Variants in OXR1 observed in about 807,000 individuals in gnomAD.
The protein encoded by OXR1 is oxidation resistance 1.
Under a neutral mutation model 104.6 loss-of-function variants are expected in OXR1, and 41 were observed. The observed-to-expected ratio is 0.39, with a 90% CI of 0.31 to 0.51. The LOEUF is 0.51. OXR1 is among the 20% of genes least tolerant of loss of function. OXR1 has a pLI of 0.77. For synonymous variants in OXR1, 348 were observed against 348.4 expected (o/e 1.00, Z 0.01); for missense variants, 955 against 1,031.9 (o/e 0.93, Z 1.02).
At chr8:106,710,212 T>C (rs1039413322) in intron 9 of OXR1, among the ~76,000 whole-genome samples, 12 of 152,112 alleles carry the variant, frequency 7.9e-5, no homozygotes, top group Admixed American at 2.0e-4. Flanking sequence ...GAAACAACCA[T>C]GTTAAGTATA....
chr8:106,490,863 G>A (rs575859210), intron 2 of OXR1, among the ~76,000 whole-genome samples: 1 of 152,130 alleles, frequency 6.6e-6, no homozygotes, highest in Admixed American at 6.5e-5. Flanking sequence ...TGTGTGGAGG[G>A]GGGAGCTGTA....
chr8:106,285,779 A>G (rs909826737), intron 1 of OXR1, among the ~76,000 whole-genome samples: 1 of 151,454 alleles, frequency 6.6e-6, no homozygotes, highest in Non-Finnish European at 1.5e-5. Context: ...ATCTTTATAC[A>G]CGACGTCAAC....
intron 3 of OXR1, among the ~76,000 whole-genome samples, chr8:106,543,902 T>C (rs1374731720): frequency 6.6e-6 from 1 of 152,204 alleles, no homozygotes; most frequent in African/African-American, 2.4e-5. Flanking sequence ...CCTTTCCAAA[T>C]CTTTTATGAA....
chr8:106,439,612 C>CAT (rs1422645206), intron 2 of OXR1, among the ~76,000 whole-genome samples: 3 of 152,008 alleles, frequency 2.0e-5, no homozygotes, highest in Non-Finnish European at 2.9e-5. Flanking sequence ...TAGCTAAAGG[C>CAT]ATGTGCTGGC....
chr8:106,621,426 G>C (rs765502050), intron 3 of OXR1, among the ~76,000 whole-genome samples: 1 of 151,562 alleles, frequency 6.6e-6, no homozygotes, highest in Non-Finnish European at 1.5e-5. Context: ...ACTCCAGCCT[G>C]GGCAACAGAG....
intron 3 of OXR1, among the ~76,000 whole-genome samples, chr8:106,596,133 A>T (rs1275987489): frequency 6.6e-6 from 1 of 152,130 alleles, no homozygotes; most frequent in East Asian, 1.9e-4. Flanking sequence ...CTAGGCACAC[A>T]AGATCAACAG....
chr8:106,396,110 CATAA>C (rs1281360038), intron 2 of OXR1, among the ~76,000 whole-genome samples: 2 of 151,902 alleles, frequency 1.3e-5, no homozygotes, highest in African/African-American at 2.4e-5. Context: ...TACATAAATA[CATAA>C]ATAAATAGAG....
intron 3 of OXR1, among the ~76,000 whole-genome samples, chr8:106,667,182 C>G (rs1326773631): frequency 6.6e-6 from 1 of 152,124 alleles, no homozygotes; most frequent in Non-Finnish European, 1.5e-5. Flanking sequence ...ATGCCAAGAT[C>G]TGATTATAAT....
chr8:106,460,968 A>G (rs184111285), intron 2 of OXR1, among the ~76,000 whole-genome samples: 32 of 151,844 alleles, frequency 2.1e-4, no homozygotes, highest in Non-Finnish European at 3.2e-4. Flanking sequence ...TATTAGTTAT[A>G]TATTTTATAT....
chr8:106,610,707 C>T (rs1820752178), intron 3 of OXR1, among the ~76,000 whole-genome samples: 1 of 152,198 alleles, frequency 6.6e-6, no homozygotes, highest in South Asian at 2.1e-4. Flanking sequence ...AATACATAAT[C>T]CTACTTGCCT....
At chr8:106,476,265 C>A (rs1199954259) in intron 2 of OXR1, among the ~76,000 whole-genome samples, 1 of 151,828 alleles carries the variant, frequency 6.6e-6, no homozygotes, top group African/African-American at 2.4e-5. Context: ...TGGCCAGGAG[C>A]ATTTTCCGAT....
chr8:106,311,282 A>G (rs1377100563), intron 1 of OXR1, among the ~76,000 whole-genome samples: 1 of 151,936 alleles, frequency 6.6e-6, no homozygotes, highest in African/African-American at 2.4e-5. Context: ...TAGTGTTCTA[A>G]AGTTTTCCTC....
At chr8:106,697,478 C>G (rs1296807649) in intron 7 of OXR1, 4 of 1,601,726 alleles carry the variant, frequency 2.5e-6, no homozygotes, top group South Asian at 1.1e-5. Flanking sequence ...GAGATGCCCC[C>G]CATCTGTAGC....
intron 3 of OXR1, among the ~76,000 whole-genome samples, chr8:106,598,708 T>C (rs1035014355): frequency 7.9e-5 from 12 of 152,368 alleles, no homozygotes; most frequent in African/African-American, 2.2e-4. Flanking sequence ...AGCTGAACAA[T>C]TGCTAATTTT....
At chr8:106,663,855 A>G (rs1011551510) in intron 3 of OXR1, among the ~76,000 whole-genome samples, 7 of 152,146 alleles carry the variant, frequency 4.6e-5, no homozygotes, top group African/African-American at 1.7e-4. Context: ...ATAGTCTTCC[A>G]TGAAGCCTGT....
chr8:106,670,940 G>A (rs1017670600), intron 3 of OXR1, among the ~76,000 whole-genome samples: 3 of 150,454 alleles, frequency 2.0e-5, no homozygotes, highest in African/African-American at 4.9e-5. Flanking sequence ...AGCTATTTGG[G>A]AGGCTGAGGC....
In OXR1 at chr8:106,750,841, A is replaced by G. The variant is rs756734770; in HGVS notation, c.2522A>G (p.Tyr841Cys). The change falls in exon 17 of 17, where the codon TAC (tyrosine) becomes TGC (cysteine). Residue 841 changes from tyrosine to cysteine, a missense_variant. Tyr to Cys is a radical substitution (Grantham distance 194, BLOSUM62 -2). Coordinates refer to ENST00000517566, the MANE Select transcript of OXR1 (RefSeq NM_001198533.2). The part of the protein sequence containing the change: ...EFALWLDGDL[Y>C]HGRSHSCKTF... The stretch of plus-strand genomic sequence containing the variant: ...GCGCTTTGGCTTGATGGAGATCTCT[A>G]CCATGGAAGAAGCCATTCTTGTAAA... 2.5e-6 allele frequency: 4 copies of G among 1,608,926 alleles called. No individual in the cohort carries two copies. Among genetic ancestry groups the G allele is most frequent in the East Asian group, 2.2e-5 (1 of 44,788 alleles).
At chr8:106,671,796 C>A (rs1243267788) in intron 3 of OXR1, among the ~76,000 whole-genome samples, 1 of 128,206 alleles carries the variant, frequency 7.8e-6, no homozygotes, top group Non-Finnish European at 1.6e-5. Flanking sequence ...GGAAGGGGAA[C>A]ATCACACACC....
intron 2 of OXR1, among the ~76,000 whole-genome samples, chr8:106,435,193 C>T (rs1374130537): frequency 6.6e-6 from 1 of 152,078 alleles, no homozygotes; most frequent in African/African-American, 2.4e-5. Context: ...AGACAAAGGT[C>T]AGCGTGGCTG....
Sources: allele counts gnomAD v4.1 joint callset (sites outside exome capture counted in the v4.1 genomes callset), GRCh38; gene constraint gnomAD v4.1.1; transcripts MANE v1.5; gene names NCBI Gene and HGNC (gene_info 2026-07-23, HGNC 2026-07-21).